The following MSRB3 variants were observed in gnomAD, a reference collection of about 807,000 sequenced individuals.
MSRB3 encodes methionine sulfoxide reductase B3.
MSRB3 carries 13 observed loss-of-function variants against 21.0 expected under a neutral mutation model. The ratio of observed to expected loss-of-function variants is 0.62; its 90% CI spans 0.40 to 0.98. MSRB3 has a LOEUF of 0.98. MSRB3 is among the 50% of genes least tolerant of loss of function. The pLI is 0.00. For synonymous variants in MSRB3, 87 were observed against 88.6 expected (o/e 0.98, Z 0.10); for missense variants, 199 against 230.3 (o/e 0.86, Z 0.88).
chr12:65,320,591 C>T (rs1477370617), intron 2 of MSRB3, among the ~76,000 whole-genome samples: 1 of 152,154 alleles, frequency 6.6e-6, no homozygotes, highest in Non-Finnish European at 1.5e-5. Flanking sequence ...GAATGATGAT[C>T]TGTAGTCTAA....
intron 4 of MSRB3, among the ~76,000 whole-genome samples, chr12:65,363,398 G>A (rs1159092347): frequency 6.6e-6 from 1 of 152,024 alleles, no homozygotes; most frequent in Non-Finnish European, 1.5e-5. Context: ...ATTTGTCCAG[G>A]AGTATACAGC....
chr12:65,425,430 C>G (rs1266575251), intron 5 of MSRB3, among the ~76,000 whole-genome samples: 2 of 152,014 alleles, frequency 1.3e-5, no homozygotes, highest in East Asian at 1.9e-4. Flanking sequence ...TTCATTTTTT[C>G]CTTTCTCTTT....
intron 5 of MSRB3, among the ~76,000 whole-genome samples, chr12:65,387,841 A>AT (rs35601870): frequency 0.064 from 9,706 of 151,578 alleles, 423 homozygotes; most frequent in Non-Finnish European, 0.092. Flanking sequence ...TGGTTGCTTG[A>AT]TTTTTTTTTC....
chr12:65,421,479 T>G (rs1320879394), intron 5 of MSRB3, among the ~76,000 whole-genome samples: 1 of 152,224 alleles, frequency 6.6e-6, no homozygotes, highest in Non-Finnish European at 1.5e-5. Flanking sequence ...TAGATCTCAT[T>G]TGTCAGTTTT....
chr12:65,291,105 G>A (rs984592046), intron 1 of MSRB3, among the ~76,000 whole-genome samples: 2 of 148,744 alleles, frequency 1.3e-5, no homozygotes, highest in African/African-American at 2.5e-5. Flanking sequence ...TTCTTTTTGC[G>A]ATGGAGTCTC....
At chr12:65,399,138 T>G (rs1403698328) in intron 5 of MSRB3, among the ~76,000 whole-genome samples, 3 of 152,216 alleles carry the variant, frequency 2.0e-5, no homozygotes, top group Non-Finnish European at 4.4e-5. Flanking sequence ...TCTAATTTTG[T>G]GAAGAAAGTC....
At chr12:65,304,660 T>C (rs1873541666) in intron 1 of MSRB3, among the ~76,000 whole-genome samples, 1 of 152,212 alleles carries the variant, frequency 6.6e-6, no homozygotes, top group African/African-American at 2.4e-5. Flanking sequence ...TGGAGAATTA[T>C]GGATTTTCTG....
At chr12:65,346,678 G>A (rs1876531679) in intron 4 of MSRB3, among the ~76,000 whole-genome samples, 1 of 152,052 alleles carries the variant, frequency 6.6e-6, no homozygotes, top group Non-Finnish European at 1.5e-5. Context: ...TGTCCTGAAT[G>A]GTATTGCCTA....
chr12:65,334,724 G>A (rs1875649277), intron 4 of MSRB3, among the ~76,000 whole-genome samples: 2 of 152,170 alleles, frequency 1.3e-5, no homozygotes, highest in African/African-American at 4.8e-5. Flanking sequence ...GAAGTCCCTT[G>A]GAATCCTGAC....
At chr12:65,329,934 C>A (rs1565836991) in intron 4 of MSRB3, among the ~76,000 whole-genome samples, 1 of 152,186 alleles carries the variant, frequency 6.6e-6, no homozygotes, top group Non-Finnish European at 1.5e-5. Context: ...TGTTAAAAAA[C>A]CGACCCTTCA....
At chr12:65,355,891 G>T (rs540928945) in intron 4 of MSRB3, among the ~76,000 whole-genome samples, 1 of 151,948 alleles carries the variant, frequency 6.6e-6, no homozygotes, top group Non-Finnish European at 1.5e-5. Flanking sequence ...TCAAACTGTG[G>T]ATCTTAAACT....
At chr12:65,394,985 TC>T (rs896308351) in intron 5 of MSRB3, among the ~76,000 whole-genome samples, 2 of 152,082 alleles carry the variant, frequency 1.3e-5, no homozygotes, top group Non-Finnish European at 2.9e-5. Flanking sequence ...CAGAATGCTT[TC>T]CCCAAAACAA....
chr12:65,335,516 A>G (rs558845540), intron 4 of MSRB3, among the ~76,000 whole-genome samples: 11 of 152,314 alleles, frequency 7.2e-5, no homozygotes, highest in Non-Finnish European at 1.3e-4. Flanking sequence ...CCAGTGCCAC[A>G]CACAGTTCAC....
chr12:65,313,672 C>T (rs1874123880), intron 2 of MSRB3, among the ~76,000 whole-genome samples: 1 of 151,842 alleles, frequency 6.6e-6, no homozygotes, highest in Non-Finnish European at 1.5e-5. Flanking sequence ...TATTGGTGTC[C>T]CTAAAGGAAT....
At chr12:65,367,032 G>A (rs1204671329) in intron 4 of MSRB3, among the ~76,000 whole-genome samples, 2 of 152,208 alleles carry the variant, frequency 1.3e-5, no homozygotes, top group Non-Finnish European at 2.9e-5. Context: ...CAATGAAAGA[G>A]AGAGGTTTAG....
At chr12:65,347,822 T>C (rs1324081065) in intron 4 of MSRB3, among the ~76,000 whole-genome samples, 3 of 152,192 alleles carry the variant, frequency 2.0e-5, no homozygotes, top group Non-Finnish European at 4.4e-5. Context: ...CAAAGGCCTT[T>C]TCTGCATCTA....
intron 5 of MSRB3, among the ~76,000 whole-genome samples, chr12:65,437,734 A>G (rs1376576301): frequency 1.4e-5 from 2 of 147,074 alleles, no homozygotes; most frequent in African/African-American, 2.5e-5. Flanking sequence ...CAGGTGAATG[A>G]ATAATAATTG....
intron 1 of MSRB3, among the ~76,000 whole-genome samples, chr12:65,294,116 G>A (rs1872814381): frequency 6.6e-6 from 1 of 152,148 alleles, no homozygotes; most frequent in Non-Finnish European, 1.5e-5. Context: ...TTTTCAAGAG[G>A]CAGCATGGCA....
intron 4 of MSRB3, among the ~76,000 whole-genome samples, chr12:65,334,241 C>T (rs745375185): frequency 1.3e-5 from 2 of 152,190 alleles, no homozygotes; most frequent in African/African-American, 4.8e-5. Flanking sequence ...ATAGCTAACA[C>T]TTACTACAGC....
Sources: allele counts gnomAD v4.1 joint callset (sites outside exome capture counted in the v4.1 genomes callset), GRCh38; gene constraint gnomAD v4.1.1; transcripts MANE v1.5; gene names NCBI Gene and HGNC (gene_info 2026-07-23, HGNC 2026-07-21).